The following IL17REL variants were observed in gnomAD, a reference collection of about 807,000 sequenced individuals.
The protein encoded by IL17REL is interleukin 17 receptor E like, also known as interleukin-17 receptor E-like protein.
IL17REL carries 36 observed loss-of-function variants against 49.0 expected under a neutral mutation model. The observed-to-expected ratio is 0.73, with a 90% CI of 0.56 to 0.97. IL17REL has a LOEUF of 0.97. Among genes scored for constraint, IL17REL ranks in the 50% least tolerant of loss-of-function variants. The pLI is 0.00. For missense variants in IL17REL, 470 were observed against 453.9 expected (o/e 1.04, Z -0.32); for synonymous variants, 206 against 192.4 (o/e 1.07, Z -0.58).
intron 7 of IL17REL, among the ~76,000 whole-genome samples, chr22:49,998,853 G>A (rs1051250146): frequency 6.6e-6 from 1 of 152,088 alleles, no homozygotes; most frequent in Non-Finnish European, 1.5e-5. Flanking sequence ...GTGTGCATGT[G>A]TATGGGCGTG....
chr22:50,009,761 C>T (rs967139588), upstream of IL17REL, among the ~76,000 whole-genome samples: 2 of 152,182 alleles, frequency 1.3e-5, no homozygotes, highest in Non-Finnish European at 2.9e-5. Context: ...GTGGAGCGGG[C>T]ATTACCGGTG....
chr22:50,012,763 C>T (rs2061149157), upstream of IL17REL: 1 of 152,236 alleles, frequency 6.6e-6, no homozygotes. Flanking sequence ...CAAAGACAAA[C>T]AGAGGGTGGA....
At chr22:49,999,949 C>G (rs2061068102) in exon 5 of IL17REL, 1 of 1,519,920 alleles carries the variant, frequency 6.6e-7, no homozygotes, top group African/African-American at 1.4e-5. Flanking sequence ...CCGGTCCACC[C>G]AGTAGCTGAG....
exon 8 of IL17REL, chr22:49,998,139 T>G: frequency 6.2e-7 from 1 of 1,604,512 alleles, no homozygotes; most frequent in Non-Finnish European, 8.5e-7. Context: ...GCACTCACTC[T>G]GCGATGCACC....
At chr22:50,006,647 C>G (rs777540010) in intron 1 of IL17REL, among the ~76,000 whole-genome samples, 1 of 152,018 alleles carries the variant, frequency 6.6e-6, no homozygotes, top group Non-Finnish European at 1.5e-5. Flanking sequence ...TAAAATACAA[C>G]GGGTGATTTT....
exon 13 of IL17REL, chr22:49,996,070 T>G (rs1468797824): frequency 6.6e-6 from 1 of 152,516 alleles, no homozygotes; most frequent in Non-Finnish European, 1.5e-5. Context: ...GGTCTGCGGG[T>G]ACTGCCACGG....
downstream of IL17REL, among the ~76,000 whole-genome samples, chr22:49,993,405 G>C (rs932442031): frequency 6.6e-6 from 1 of 152,206 alleles, no homozygotes; most frequent in African/African-American, 2.4e-5. The surrounding 1 kb of genome is among the most constrained non-coding windows in gnomAD (Gnocchi z 6.0). Context: ...GGCAGGTGTG[G>C]GGGTGGGTTT....
At chr22:50,001,586 G>A (rs1438875879) in intron 1 of IL17REL, among the ~76,000 whole-genome samples, 1 of 152,234 alleles carries the variant, frequency 6.6e-6, no homozygotes. Context: ...AAGACGAACA[G>A]CAGAAAAGGC....
At chr22:50,005,170 A>C (rs1316454834) in intron 1 of IL17REL, among the ~76,000 whole-genome samples, 1 of 152,130 alleles carries the variant, frequency 6.6e-6, no homozygotes, top group East Asian at 1.9e-4. Flanking sequence ...TGTAGAAGGA[A>C]GGGTGAGTAA....
downstream of IL17REL, chr22:49,994,446 A>T (rs1410809025): frequency 6.6e-6 from 1 of 152,202 alleles, no homozygotes; most frequent in Non-Finnish European, 1.5e-5. Context: ...CCTGGTGGGG[A>T]TGGCTCCACG....
intron 9 of IL17REL, 140 bp downstream of exon 11, chr22:49,997,885 G>A: frequency 7.2e-7 from 1 of 1,387,592 alleles, no homozygotes; most frequent in Non-Finnish European, 1.0e-6. Context: ...CTCACCCACT[G>A]TCAGACCAGG....
chr22:49,998,129 G>T lies in IL17REL; in HGVS notation c.774+8C>A, dbSNP rs1569208305. The T allele has an allele frequency of 3.1e-6, 5 of 1,601,608 alleles. No individual in the cohort carries two copies. Among genetic ancestry groups the T allele is most frequent in the Non-Finnish European group, 4.3e-6 (5 of 1,174,278 alleles). On this transcript the variant is annotated splice_region_variant and intron_variant, in intron 8 of 12. Transcript: ENST00000341280. The stretch of plus-strand genomic sequence containing the variant: ...GCCCACCCCCATCCCTGCTGAGCAG[G>T]CACTCACTCTGCGATGCACCAGCTG...
chr22:49,993,597 A>C (rs143924347), downstream of IL17REL, among the ~76,000 whole-genome samples: 103 of 152,278 alleles, frequency 6.8e-4, no homozygotes, highest in Middle Eastern at 0.01. This position sits in a 1 kb window ranked among gnomAD's most constrained non-coding sequence, Gnocchi z 6.0. Flanking sequence ...CTTGTCTGGG[A>C]GGGACAGTAG....
At chr22:49,996,926 G>C (rs184103308) in intron 12 of IL17REL, 66 bp from the exon 15 acceptor site, 2 of 756,564 alleles carry the variant, frequency 2.6e-6, no homozygotes, top group Admixed American at 6.3e-5. Context: ...GGATGGGAAG[G>C]GGGGGTGTGA....
chr22:49,997,500 G>C lies in IL17REL; in HGVS notation c.878-84C>G, dbSNP rs144997194. The C allele has an allele frequency of 1.1e-4, 160 of 1,442,824 alleles. No homozygotes were observed. The highest frequency in any genetic ancestry group is 7.0e-4 in the Middle Eastern group (4 of 5,694). 89.4% of individuals were successfully genotyped at this position (1,442,824 alleles called of 1,614,324 possible). On this transcript the variant is annotated intron_variant, in intron 10 of 12. Transcript: ENST00000341280. ...TTTTCCAGGCTGTGGGGAGTGAAGG[G>C]TGAGACCCCCATCCGGCCCAGCACC...
intron 1 of IL17REL, among the ~76,000 whole-genome samples, chr22:50,001,628 G>A (rs781474953): frequency 6.6e-5 from 10 of 152,244 alleles, no homozygotes; most frequent in Non-Finnish European, 1.0e-4. Context: ...CCTGGGAGGC[G>A]ACCCCAAGGT....
upstream of IL17REL, among the ~76,000 whole-genome samples, chr22:50,011,117 C>G (rs1296928961): frequency 6.6e-6 from 1 of 151,610 alleles, no homozygotes; most frequent in Non-Finnish European, 1.5e-5. Flanking sequence ...GCCCAGGCAG[C>G]GCCCCTACAC....
At chr22:49,997,568 A>T in intron 10 of IL17REL, 85 bp from the exon 13 acceptor site, 2 of 1,375,788 alleles carry the variant, frequency 1.5e-6, no homozygotes, top group Non-Finnish European at 2.1e-6. Context: ...GCGCCTGCCC[A>T]CTGTACCTCC....
chr22:49,994,939 C>G (rs1396890997), exon 13 of IL17REL: 1 of 152,414 alleles, frequency 6.6e-6, no homozygotes. Flanking sequence ...CAGCAGGTGG[C>G]CCCCAGGCAG....
Sources: gnomAD v4.1 joint callset for allele counts (sites outside exome capture counted in the v4.1 genomes callset) on GRCh38, gnomAD v4.1.1 for gene constraint, Gnocchi (gnomAD v3.1) non-coding constraint, MANE v1.5 for transcripts, NCBI Gene and HGNC (gene_info 2026-07-23, HGNC 2026-07-21) for gene names.